Variants in SETD2 observed in about 807,000 individuals in gnomAD.
The protein encoded by SETD2 is SET domain containing 2, histone lysine methyltransferase, also known as histone-lysine N-methyltransferase SETD2.
Under a neutral mutation model 242.1 loss-of-function variants are expected in SETD2, and 31 were observed. The ratio of observed to expected loss-of-function variants is 0.13; its 90% CI spans 0.10 to 0.17. SETD2 has a LOEUF of 0.17. Ranked by LOEUF, SETD2 falls within the 10% of genes least tolerant of loss-of-function variation. The pLI, the probability that SETD2 is intolerant of heterozygous loss-of-function variation, is 1.00. For missense variants in SETD2, 2,481 were observed against 3,046.3 expected, an observed-to-expected ratio of 0.81 and a Z score of 4.37; for synonymous variants, 1,006 against 1,066.5, an observed-to-expected ratio of 0.94 and a Z score of 1.11.
intron 18 of SETD2, among the ~76,000 whole-genome samples, chr3:47,025,744 T>C (rs895166548): frequency 4.6e-5 from 7 of 152,244 alleles, no homozygotes; most frequent in Admixed American, 6.5e-5. Context: ...TCTCAAACCA[T>C]GTATCTCTCT....
At chr3:47,090,939 C>T (rs2041778708) in intron 9 of SETD2, among the ~76,000 whole-genome samples, 1 of 152,126 alleles carries the variant, frequency 6.6e-6, no homozygotes, top group African/African-American at 2.4e-5. Context: ...ATTTTTATTT[C>T]ATATTGTACC....
rs1046489375 is a variant in SETD2, at chr3:47,122,942, T to C, written c.1694A>G (p.Lys565Arg). 1 of 1,612,696 alleles carries C rather than the reference T, an allele frequency of 6.2e-7. No homozygotes were observed. The highest frequency in any genetic ancestry group is 8.5e-7 in the Non-Finnish European group (1 of 1,179,474). ...YKSTLSKPIP[K>R]SDKFKNSFCC... Reference sequence around the variant, plus strand: ...GAAAGAATTTTTAAATTTATCAGACTTGGGTATAGGTTTTGAAAGGGTAGA... The same window carrying C: ...GAAAGAATTTTTAAATTTATCAGACCTGGGTATAGGTTTTGAAAGGGTAGA... Residue 565 changes from lysine (K) to arginine (R), a missense_variant, in exon 3 of 21, where the codon AAG (lysine) becomes AGG (arginine). Physicochemically the swap from Lys to Arg is conservative, Grantham distance 26. This residue lies in a region of SETD2 where 1,300 missense variants were observed against 1,259.2 expected (regional missense o/e 1.03). Transcript: ENST00000409792.
intron 12 of SETD2, among the ~76,000 whole-genome samples, chr3:47,076,232 G>C (rs1230800167): frequency 6.6e-6 from 1 of 152,208 alleles, no homozygotes; most frequent in African/African-American, 2.4e-5. Context: ...AGGAATGAAT[G>C]TATGTGTGTG....
At chr3:47,025,869 C>T (rs2038451697) in intron 18 of SETD2, among the ~76,000 whole-genome samples, 1 of 152,148 alleles carries the variant, frequency 6.6e-6, no homozygotes, top group Non-Finnish European at 1.5e-5. Flanking sequence ...AAAACCTAGG[C>T]AATACCATTC....
Position 47,156,498 on chromosome 3 carries a change from A to C in SETD2, c.71+7356T>G, listed in dbSNP as rs1255083066. Among the ~76,000 whole-genome samples the C allele has an allele frequency of 2.0e-5, 3 of 152,198 alleles. 1 individual carries two copies. The highest frequency in any genetic ancestry group is 4.4e-5 in the Non-Finnish European group (3 of 68,034). ...AGACATAATGTGTCAATAAAAGGAG[A>C]ATGGTATGCCTAAAATGTAGCAAAA... On this transcript the variant is annotated intron_variant, in intron 1 of 20. Coordinates refer to ENST00000409792, the MANE Select transcript of SETD2 (RefSeq NM_014159.7).
Position 47,121,744 on chromosome 3 carries a change from T to C in SETD2, c.2892A>G (p.Glu964=), listed in dbSNP as rs2043098862. 4 of 1,614,172 alleles carry C rather than the reference T, an allele frequency of 2.5e-6. No homozygotes were observed. In the East Asian group the frequency reaches 8.9e-5, roughly 36 times the overall value. ...TTTCAGGCAATATGGAATTCCCTTCTTCTTGAGCCTCTTGCAAACATTTCC... is the reference window on the plus strand; with the variant it reads ...TTTCAGGCAATATGGAATTCCCTTCCTCTTGAGCCTCTTGCAAACATTTCC... ...LSGKCLQEAQ[E]EGNSILPERR... Residue 964 remains glutamate (E), a synonymous_variant, in exon 3 of 21, where the codon GAA becomes GAG. Coordinates refer to ENST00000409792, the MANE Select transcript of SETD2 (RefSeq NM_014159.7).
chr3:47,046,561 G>T lies in SETD2; in HGVS notation c.7024C>A (p.Gln2342Lys). 6.2e-7 allele frequency: 1 copy of T among 1,613,408 alleles called. No homozygotes were observed. The highest frequency in any genetic ancestry group is 8.5e-7 in the Non-Finnish European group (1 of 1,179,566). ...QGQQIFTAHPQGVVVQPAAAV... is the reference protein window; with the variant it reads ...QGQQIFTAHPKGVVVQPAAAV... ...GCGGCTGGCTGTACCACCACTCCTTGTGGATGAGCTGTGAAAATCTGTTGC... is the reference window on the plus strand; with the variant it reads ...GCGGCTGGCTGTACCACCACTCCTTTTGGATGAGCTGTGAAAATCTGTTGC... The change falls in exon 16 of 21, where the codon CAA becomes AAA. Residue 2342 changes from glutamine to lysine, a missense_variant. Gln to Lys is a moderately conservative substitution (Grantham distance 53). Around this residue, in one of 17 missense-constraint regions of SETD2, gnomAD observed 235 missense variants for 293.9 expected, o/e 0.80. Transcript: ENST00000409792.
At chr3:47,062,815 T>C (rs894052472) in intron 13 of SETD2, among the ~76,000 whole-genome samples, 9 of 152,218 alleles carry the variant, frequency 5.9e-5, no homozygotes, top group African/African-American at 2.2e-4. Context: ...GTACGCATGG[T>C]GGCTGTAGTC....
At position 47,121,389 on chromosome 3, in the gene SETD2, T is replaced by C. The variant is rs764690431; in HGVS notation, c.3247A>G (p.Thr1083Ala). ...PKNSTLPMEE[T>A]SPCSSRSSQS... ...CTGCTCCGAGAAGAACAAGGACTTG[T>C]TTCTTCCATGGGCAAAGTAGAATTC... is the stretch of plus-strand genomic sequence containing the variant. Residue 1083 changes from threonine (T) to alanine (A), a missense_variant, in exon 3 of 21, where the codon ACA becomes GCA. This residue lies in a region of SETD2 where 1,300 missense variants were observed against 1,259.2 expected (regional missense o/e 1.03). Transcript: ENST00000409792. 6.2e-7 allele frequency: 1 copy of C among 1,610,006 alleles called. No homozygotes were observed. The highest frequency in any genetic ancestry group is 8.5e-7 in the Non-Finnish European group (1 of 1,180,002).
rs1268003028 is a variant in SETD2 at position 47,017,511 on chromosome 3, C to T, written c.7533+127G>A. The T allele has an allele frequency of 1.3e-6, 1 of 773,582 alleles. No individual in the cohort carries two copies. Among genetic ancestry groups the T allele is most frequent in the African/African-American group, 1.7e-5 (1 of 57,152 alleles). 47.9% of individuals were successfully genotyped at this position (773,582 alleles called of 1,614,324 possible). ...CTCCCCAAACCTTCCCTCCCCGTTC[C>T]TGGGTCCCCAGCTCTGACATCTGAC... On this transcript the variant is annotated intron_variant, in intron 20 of 20. Coordinates refer to ENST00000409792, the MANE Select transcript of SETD2 (RefSeq NM_014159.7). The surrounding 1 kb of genome is among the most constrained non-coding windows in gnomAD (Gnocchi z 4.8).
chr3:47,086,666 A>G (rs1449691958), intron 10 of SETD2, among the ~76,000 whole-genome samples: 4 of 152,072 alleles, frequency 2.6e-5, no homozygotes, highest in Admixed American at 2.6e-4. Flanking sequence ...ATTAGTCCTT[A>G]AATAATTCTT....
intron 18 of SETD2, among the ~76,000 whole-genome samples, chr3:47,030,308 G>A (rs1296231673): frequency 6.6e-6 from 1 of 152,014 alleles, no homozygotes; most frequent in Non-Finnish European, 1.5e-5. Context: ...TGAATCAATG[G>A]ATGAGCTTAG....
rs2042007962 is a variant in SETD2, at chr3:47,096,459, C to T, written c.5142+1496G>A. Among the ~76,000 whole-genome samples, 6 of 151,822 alleles carry T rather than the reference C, an allele frequency of 4.0e-5. No individual in the cohort carries two copies. The South Asian group carries it at 1.2e-3, about 31-fold the overall frequency. On this transcript the variant is annotated intron_variant, in intron 9 of 20. Transcript: ENST00000409792. The stretch of plus-strand genomic sequence containing the variant: ...TGGTAGCTCATGCCTGTAATCCCAG[C>T]ACTTTGGGAGGCCAAGGCGAGAGGA...
At chr3:47,100,941 C>T (rs533673750) in intron 8 of SETD2, among the ~76,000 whole-genome samples, 226 of 130,618 alleles carry the variant, frequency 1.7e-3, no homozygotes, top group African/African-American at 6.2e-3. Flanking sequence ...ACCTGGGAGG[C>T]GGAGCTTGCA....
At chr3:47,105,617 T>C (rs1428542820) in intron 6 of SETD2, 1 of 419,188 alleles carries the variant, frequency 2.4e-6, no homozygotes, top group East Asian at 7.5e-5. Flanking sequence ...CTCATTTTTG[T>C]CGCTTAATAT....
At chr3:47,120,118 A>T (rs2107738276) in intron 3 of SETD2, 64 bp downstream of exon 3, 1 of 1,301,084 alleles carries the variant, frequency 7.7e-7, no homozygotes. Flanking sequence ...TGAATTGTTT[A>T]AAGGCTTTTT....
At chr3:47,099,906 T>G (rs1340824410) in intron 8 of SETD2, among the ~76,000 whole-genome samples, 1 of 152,226 alleles carries the variant, frequency 6.6e-6, no homozygotes, top group Non-Finnish European at 1.5e-5. Flanking sequence ...CCTTTTTTAT[T>G]TTTAAACTAG....
In SETD2 at chr3:47,121,584, C is replaced by T. The variant is rs2106654905; in HGVS notation, c.3052G>A (p.Ala1018Thr). Residue 1018 changes from alanine (A) to threonine (T), a missense_variant, in exon 3 of 21, where the codon GCA (alanine) becomes ACA (threonine). Ala to Thr is a moderately conservative substitution (Grantham distance 58, BLOSUM62 0). Coordinates refer to ENST00000409792, the MANE Select transcript of SETD2 (RefSeq NM_014159.7). ...TMEDSDGVTY[A>T]LKCDSSGHAP... ...TGACCACTACTGTCACACTTTAATG[C>T]ATAAGTTACACCATCACTGTCTTCC... 1 of 1,614,134 alleles carries T rather than the reference C, an allele frequency of 6.2e-7. No homozygotes were observed. The highest frequency in any genetic ancestry group is 8.5e-7 in the Non-Finnish European group (1 of 1,180,000).
intron 5 of SETD2, among the ~76,000 whole-genome samples, chr3:47,106,493 T>TTAAAAA (rs1309150228): frequency 1.0e-4 from 6 of 57,264 alleles, no homozygotes; most frequent in African/African-American, 4.0e-4. Context: ...ATTTTTGCTC[T>TTAAAAA]AAAAAAAAAA....
Sources: gnomAD v4.1 joint callset for allele counts (sites outside exome capture counted in the v4.1 genomes callset) on GRCh38, gnomAD v4.1.1 for gene constraint, gnomAD v4.1.1 regional missense constraint, Gnocchi (gnomAD v3.1) non-coding constraint, MANE v1.5 for transcripts, NCBI Gene and HGNC (gene_info 2026-07-23, HGNC 2026-07-21) for gene names.